The following XYLT1 variants were observed in gnomAD, a reference collection of about 807,000 sequenced individuals.
XYLT1 encodes the protein xylosyltransferase 1.
In XYLT1, 36 loss-of-function variants were observed where a neutral mutation model predicts 91.3. That is an observed-to-expected ratio of 0.39 (90% CI 0.30 to 0.52). The LOEUF is 0.52. Ranked by LOEUF, XYLT1 falls within the 20% of genes least tolerant of loss-of-function variation. XYLT1 has a pLI of 0.68. For synonymous variants in XYLT1, 588 were observed against 532.0 expected, an observed-to-expected ratio of 1.11 and a Z score of -1.45; for missense variants, 1,242 against 1,284.5, an observed-to-expected ratio of 0.97 and a Z score of 0.51.
intron 11 of XYLT1, among the ~76,000 whole-genome samples, chr16:17,111,053 G>A (rs372299102): frequency 2.5e-4 from 38 of 152,228 alleles, no homozygotes; most frequent in East Asian, 5.8e-4. Context: ...CCAGGTACTC[G>A]GGAGGGTGAG....
intron 5 of XYLT1, among the ~76,000 whole-genome samples, chr16:17,165,735 AGTGAT>A (rs2141550224): frequency 1.3e-5 from 2 of 152,302 alleles, no homozygotes; most frequent in East Asian, 3.9e-4. Context: ...CCAATGCCCT[AGTGAT>A]GGACACTTAG....
At chr16:17,281,396 C>A (rs1265294291) in intron 2 of XYLT1, among the ~76,000 whole-genome samples, 3 of 152,178 alleles carry the variant, frequency 2.0e-5, no homozygotes, top group African/African-American at 7.2e-5. Flanking sequence ...GACCCTGCTC[C>A]CACCATCTGT....
intron 11 of XYLT1, among the ~76,000 whole-genome samples, chr16:17,115,129 C>T (rs934932426): frequency 6.6e-6 from 1 of 151,916 alleles, no homozygotes; most frequent in Non-Finnish European, 1.5e-5. Flanking sequence ...CAGGTGTGAC[C>T]ACCGCACCCG....
intron 3 of XYLT1, among the ~76,000 whole-genome samples, chr16:17,203,935 T>C (rs190925305): frequency 1.3e-5 from 2 of 152,296 alleles, no homozygotes; most frequent in East Asian, 3.9e-4. Context: ...TGAAGAAGAG[T>C]GGCTGCTCTG....
rs183563898 is a variant in XYLT1 at position 17,291,378 on chromosome 16, C to T, written c.403-31880G>A. On this transcript the variant is annotated intron_variant, in intron 2 of 11. Coordinates refer to ENST00000261381, the MANE Select transcript of XYLT1 (RefSeq NM_022166.4). Reference sequence around the variant, plus strand: ...ATGTGGGACCTGTGAGGTTGGCAGGCTGAGGTTATTTCCCATTACACAGAT... The same window carrying T: ...ATGTGGGACCTGTGAGGTTGGCAGGTTGAGGTTATTTCCCATTACACAGAT... 5.5e-3 allele frequency among the ~76,000 whole-genome samples: 842 copies of T among 152,292 alleles called. 1 individual carries two copies. The highest frequency in any genetic ancestry group is 0.013 in the South Asian group (61 of 4,820).
intron 1 of XYLT1, among the ~76,000 whole-genome samples, chr16:17,388,739 G>A (rs2035779877): frequency 1.3e-5 from 2 of 152,178 alleles, no homozygotes; most frequent in African/African-American, 2.4e-5. Context: ...TAACAAAAAG[G>A]AGAAACAAAA....
chr16:17,455,936 TA>T (rs1167800029), intron 1 of XYLT1, among the ~76,000 whole-genome samples: 5 of 152,244 alleles, frequency 3.3e-5, no homozygotes. Flanking sequence ...CGCAATTAAT[TA>T]TTTTTTCTCA....
intron 2 of XYLT1, among the ~76,000 whole-genome samples, chr16:17,340,039 GTCCACC>G (rs2035044010): frequency 2.0e-5 from 3 of 150,260 alleles, no homozygotes; most frequent in Non-Finnish European, 1.5e-5. Context: ...CCACCCATTC[GTCCACC>G]CATCTATTAT....
chr16:17,191,638 T>A (rs1262875059), intron 5 of XYLT1, among the ~76,000 whole-genome samples: 1 of 152,228 alleles, frequency 6.6e-6, no homozygotes, highest in South Asian at 2.1e-4. Context: ...CTTGCTCAAT[T>A]GGTCCCATAT....
chr16:17,296,063 G>A (rs1426799850), intron 2 of XYLT1, among the ~76,000 whole-genome samples: 6 of 146,590 alleles, frequency 4.1e-5, no homozygotes, highest in Admixed American at 6.8e-5. Context: ...TTCTCCCTGC[G>A]CCAAAAGCAC....
chr16:17,173,380 GC>G (rs1291414547), intron 5 of XYLT1, among the ~76,000 whole-genome samples: 1 of 152,238 alleles, frequency 6.6e-6, no homozygotes, highest in East Asian at 1.9e-4. Context: ...TGAGAATGGA[GC>G]TTTGGTGTTC....
intron 2 of XYLT1, among the ~76,000 whole-genome samples, chr16:17,300,218 C>A (rs2034372904): frequency 6.6e-6 from 1 of 152,116 alleles, no homozygotes. Context: ...GTGCCTCTGA[C>A]AAAATGCTAT....
rs1293924473 is a variant in XYLT1 at position 17,105,868 on chromosome 16, A to G, written c.*2827T>C. The G allele has an allele frequency of 6.6e-6, 1 of 152,168 alleles. No homozygotes were observed. The highest frequency in any genetic ancestry group is 1.9e-4 in the East Asian group (1 of 5,200). The allele number at this position is 152,168 out of a possible 1,614,324, so 9.4% of individuals were successfully genotyped here. On this transcript the variant is annotated 3_prime_UTR_variant, in exon 12 of 12. Coordinates refer to ENST00000261381, the MANE Select transcript of XYLT1 (RefSeq NM_022166.4). ...GGTTAAAAAAATTATTTTCCCTGGG[A>G]AAACATCCTCTTTTCTCAAATCATG...
chr16:17,189,108 T>A (rs2032253168), intron 5 of XYLT1, among the ~76,000 whole-genome samples: 1 of 152,144 alleles, frequency 6.6e-6, no homozygotes, highest in African/African-American at 2.4e-5. Flanking sequence ...AGTAGAGAAG[T>A]ATCTTCACTG....
At chr16:17,181,273 T>C (rs72777730) in intron 5 of XYLT1, among the ~76,000 whole-genome samples, 15,807 of 152,112 alleles carry the variant, frequency 0.1, 925 homozygotes, top group African/African-American at 0.14. Context: ...CTCACTCTCA[T>C]CACGATCAGA....
chr16:17,109,018 C>T lies in XYLT1; in HGVS notation c.2558-1G>A, dbSNP rs1298831902. ...CCATTGTGCAGCTTCAGTGCCTCCT[C>T]TGAAAGCCAAAGGGAACAATTTCAG... On this transcript the variant is annotated splice_acceptor_variant, in intron 11 of 11. Transcript: ENST00000261381. LOFTEE classifies it high-confidence loss of function. 6.6e-7 allele frequency: 1 copy of T among 1,505,688 alleles called. No individual in the cohort carries two copies. The highest frequency in any genetic ancestry group is 1.4e-5 in the South Asian group (1 of 71,422). The allele number at this position is 1,505,688 out of a possible 1,614,324, so 93.3% of individuals were successfully genotyped here.
chr16:17,104,956 TC>T lies in XYLT1; in HGVS notation c.*3738del, dbSNP rs1467496307. 6.6e-6 allele frequency: 1 copy of T among 152,224 alleles called. No homozygotes were observed. The highest frequency in any genetic ancestry group is 6.5e-5 in the Admixed American group (1 of 15,286). The allele number at this position is 152,224 out of a possible 1,614,324, so 9.4% of individuals were successfully genotyped here. A position where few individuals can be genotyped will look rare whatever the true frequency, so the allele number is the denominator to read the frequency against. On this transcript the variant is annotated 3_prime_UTR_variant, in exon 12 of 12. Transcript: ENST00000261381. ...CCCCTACCACAGTGTGTGGCTTTGATCCTGCAGGTCTAGCTTGCTGTCTTTA... is the reference window on the plus strand; with the variant it reads ...CCCCTACCACAGTGTGTGGCTTTGATCTGCAGGTCTAGCTTGCTGTCTTTA...
chr16:17,406,697 C>T (rs2036036932), intron 1 of XYLT1, among the ~76,000 whole-genome samples: 1 of 152,112 alleles, frequency 6.6e-6, no homozygotes, highest in Non-Finnish European at 1.5e-5. Flanking sequence ...CAGCAGGCCT[C>T]AGAAGCTGGG....
At chr16:17,409,848 C>T (rs1596531113) in intron 1 of XYLT1, among the ~76,000 whole-genome samples, 1 of 152,136 alleles carries the variant, frequency 6.6e-6, no homozygotes, top group East Asian at 1.9e-4. Context: ...CCACACCCAG[C>T]TGAGACACAT....
Sources: gnomAD v4.1 joint callset for allele counts (sites outside exome capture counted in the v4.1 genomes callset) on GRCh38, gnomAD v4.1.1 for gene constraint, MANE v1.5 for transcripts, NCBI Gene and HGNC (gene_info 2026-07-23, HGNC 2026-07-21) for gene names.